The following CNGA1 variants were observed in gnomAD, a reference collection of about 807,000 sequenced individuals.
CNGA1 encodes cyclic nucleotide-gated channel alpha-1.
Under a neutral mutation model 69.7 loss-of-function variants are expected in CNGA1, and 53 were observed. The observed-to-expected ratio is 0.76, with a 90% CI of 0.61 to 0.96. The LOEUF (loss-of-function observed/expected upper bound fraction) is 0.96. CNGA1 is among the 40% of genes least tolerant of loss of function. The pLI is 0.00. For missense variants in CNGA1, 739 were observed against 811.2 expected (o/e 0.91, Z 1.08); for synonymous variants, 249 against 283.5 (o/e 0.88, Z 1.22).
chr4:48,009,431 C>T (rs1026844389), intron 2 of CNGA1, among the ~76,000 whole-genome samples: 1 of 148,756 alleles, frequency 6.7e-6, no homozygotes, highest in Non-Finnish European at 1.5e-5. Context: ...TGCCACTGCA[C>T]TCCAGCCTGG....
Position 47,953,535 on chromosome 4 carries a change from C to G in CNGA1, c.-14-832G>C, listed in dbSNP as rs567511591. Among the ~76,000 whole-genome samples, 209 of 152,194 alleles carry G rather than the reference C, an allele frequency of 1.4e-3. 2 individuals are homozygous for G. Among genetic ancestry groups the G allele is most frequent in the Middle Eastern group, 6.8e-3 (2 of 292 alleles). ...AAAATTGATCACATTTTTAGCAAGTCCCCTAAATTATTCAGATGCATATAT... is the reference window on the plus strand; with the variant it reads ...AAAATTGATCACATTTTTAGCAAGTGCCCTAAATTATTCAGATGCATATAT... On this transcript the variant is annotated intron_variant, in intron 3 of 10. Coordinates refer to ENST00000514170, the MANE Select transcript of CNGA1 (RefSeq NM_001379270.1).
rs1739203568 is a variant in CNGA1 at position 47,943,258 on chromosome 4, GT to G, written c.359del (p.Asn120ThrfsTer74). The part of the protein sequence containing the change: ...SKSDDKNENK[N>X]DPEKKKKKKD... ...TTTTCTTCTTTTTCTTCTCTGGGTC[GT>G]TTTTATTTTCGTTTTTATCATCTGA... is the stretch of plus-strand genomic sequence containing the variant. On this transcript the variant is annotated frameshift_variant, in exon 8 of 11. Transcript: ENST00000514170. LOFTEE classifies it high-confidence loss of function. The G allele has an allele frequency of 3.2e-6, 5 of 1,565,256 alleles. No individual in the cohort carries two copies.
intron 3 of CNGA1, among the ~76,000 whole-genome samples, chr4:47,956,484 G>T (rs1040373880): frequency 1.3e-5 from 2 of 152,160 alleles, no homozygotes; most frequent in Non-Finnish European, 2.9e-5. Flanking sequence ...GCTAATTCTG[G>T]CATATTGTTC....
intron 2 of CNGA1, among the ~76,000 whole-genome samples, chr4:48,007,880 C>T (rs560535704): frequency 6.6e-6 from 1 of 152,152 alleles, no homozygotes. Flanking sequence ...CCACAACAAA[C>T]AGAAGTTGAG....
At chr4:48,015,200 A>C (rs2109360690) in intron 1 of CNGA1, among the ~76,000 whole-genome samples, 1 of 152,204 alleles carries the variant, frequency 6.6e-6, no homozygotes, top group East Asian at 1.9e-4. Context: ...ACCAAGCCAA[A>C]CAAACAAACA....
intron 3 of CNGA1, among the ~76,000 whole-genome samples, chr4:47,953,799 C>T (rs1313597404): frequency 2.0e-5 from 3 of 152,152 alleles, no homozygotes. Context: ...TTTGAGGGAA[C>T]CCACCTTGAG....
chr4:47,998,156 AT>A (rs1159069066), intron 2 of CNGA1, among the ~76,000 whole-genome samples: 6 of 152,332 alleles, frequency 3.9e-5, no homozygotes, highest in African/African-American at 1.4e-4. Context: ...CATGAGAAAA[AT>A]AAACCAAGCA....
chr4:47,955,646 G>A (rs1312555487), intron 3 of CNGA1, among the ~76,000 whole-genome samples: 2 of 152,190 alleles, frequency 1.3e-5, no homozygotes, highest in African/African-American at 4.8e-5. Flanking sequence ...CTTCTCTTGA[G>A]TCCAAATAGG....
chr4:47,973,486 C>A (rs950099324), intron 3 of CNGA1, among the ~76,000 whole-genome samples: 2 of 152,142 alleles, frequency 1.3e-5, no homozygotes, highest in Admixed American at 6.6e-5. Context: ...ACGTAGAAGG[C>A]TTCCTGTATG....
Position 47,952,584 on chromosome 4 carries a change from T to G in CNGA1, c.106A>C (p.Ser36Arg). The G allele has an allele frequency of 6.2e-7, 1 of 1,612,584 alleles. No individual in the cohort carries two copies. ...GCATGGGAAAATGTTTGGATTTACCTGCATGCTCCATTTTCCATCCTTCGT... is the reference window on the plus strand; with the variant it reads ...GCATGGGAAAATGTTTGGATTTACCGGCATGCTCCATTTTCCATCCTTCGT... ...EIRRMENGAC[S>R]SFSEDDDSAS... Residue 36 changes from serine (S) to arginine (R), a missense_variant and splice_region_variant, in exon 4 of 11, where the codon AGC (serine) becomes CGC (arginine). Coordinates refer to ENST00000514170, the MANE Select transcript of CNGA1 (RefSeq NM_001379270.1).
intron 3 of CNGA1, among the ~76,000 whole-genome samples, chr4:47,957,597 G>A (rs1274922275): frequency 6.6e-6 from 1 of 152,102 alleles, no homozygotes; most frequent in Non-Finnish European, 1.5e-5. Flanking sequence ...TCTAGCCTGG[G>A]TGACAGAGAG....
intron 3 of CNGA1, chr4:47,970,785 AT>A (rs1740973253): frequency 2.4e-6 from 1 of 410,262 alleles, no homozygotes; most frequent in Non-Finnish European, 4.8e-6. Flanking sequence ...TTATTTTTAT[AT>A]TTTATATACT....
chr4:47,951,786 T>C (rs1445630809), intron 4 of CNGA1, among the ~76,000 whole-genome samples: 2 of 152,244 alleles, frequency 1.3e-5, no homozygotes, highest in African/African-American at 4.8e-5. Context: ...TTAGATCATA[T>C]TATACCTTTG....
intron 3 of CNGA1, among the ~76,000 whole-genome samples, chr4:47,961,303 C>T (rs910440115): frequency 1.3e-5 from 2 of 152,210 alleles, no homozygotes; most frequent in Non-Finnish European, 2.9e-5. Flanking sequence ...GAAACACAGG[C>T]TGCCTCTTGG....
chr4:47,967,893 A>T (rs1454022561), intron 3 of CNGA1, among the ~76,000 whole-genome samples: 3 of 151,916 alleles, frequency 2.0e-5, no homozygotes, highest in African/African-American at 7.3e-5. Context: ...CAGGAAAATC[A>T]CTTGAACCGG....
At chr4:48,009,219 C>A (rs757964454) in intron 2 of CNGA1, among the ~76,000 whole-genome samples, 1 of 152,124 alleles carries the variant, frequency 6.6e-6, no homozygotes, top group East Asian at 1.9e-4. Context: ...GTAATCCCAG[C>A]ACTTTGGGAG....
At chr4:48,005,887 T>C (rs760495963) in intron 2 of CNGA1, among the ~76,000 whole-genome samples, 1 of 152,250 alleles carries the variant, frequency 6.6e-6, no homozygotes, top group Non-Finnish European at 1.5e-5. Flanking sequence ...ATAACTGTAT[T>C]GTCGTAAGTT....
intron 3 of CNGA1, among the ~76,000 whole-genome samples, chr4:47,966,431 C>T (rs937613891): frequency 6.6e-6 from 1 of 152,190 alleles, no homozygotes; most frequent in African/African-American, 2.4e-5. Flanking sequence ...ATTTAGCATG[C>T]ATATACTTGT....
chr4:47,947,691 G>A (rs1365820429), intron 6 of CNGA1, among the ~76,000 whole-genome samples: 1 of 151,956 alleles, frequency 6.6e-6, no homozygotes, highest in Non-Finnish European at 1.5e-5. Flanking sequence ...GAAAAAAAAA[G>A]GGAAAAAGAA....
Sources: gnomAD v4.1 joint callset for allele counts (sites outside exome capture counted in the v4.1 genomes callset) on GRCh38, gnomAD v4.1.1 for gene constraint, MANE v1.5 for transcripts, NCBI Gene and HGNC (gene_info 2026-07-23, HGNC 2026-07-21) for gene names.